Variants in ST3GAL2 observed in about 807,000 individuals in gnomAD.
ST3GAL2 encodes the protein CMP-N-acetylneuraminate-beta-galactosamide-alpha-2,3-sialyltransferase 2.
Under a neutral mutation model 37.5 loss-of-function variants are expected in ST3GAL2, and 16 were observed. The ratio of observed to expected loss-of-function variants is 0.43; its 90% confidence interval spans 0.29 to 0.65. The LOEUF (loss-of-function observed/expected upper bound fraction) is 0.65, where lower values mean the gene tolerates loss of function less well. Among genes scored for constraint, ST3GAL2 ranks in the 30% least tolerant of loss-of-function variants. ST3GAL2 has a pLI of 0.17. For synonymous variants in ST3GAL2, 238 were observed against 202.9 expected (o/e 1.17, Z -1.47); for missense variants, 383 against 487.8 (o/e 0.79, Z 2.02).
chr16:70,388,343 T>C (rs767256250), intron 4 of ST3GAL2, 24 bp downstream of exon 4: 14 of 1,613,678 alleles, frequency 8.7e-6, no homozygotes, highest in Non-Finnish European at 1.1e-5. Flanking sequence ...ACCCATATTC[T>C]ACCCAGGCCA....
chr16:70,420,166 C>A (rs1268843275), intron 1 of ST3GAL2, among the ~76,000 whole-genome samples: 2 of 151,648 alleles, frequency 1.3e-5, no homozygotes, highest in African/African-American at 4.8e-5. Context: ...AGTTTCTATT[C>A]TTGTGGCCCA....
At chr16:70,385,607 G>A (rs1436473765) in intron 4 of ST3GAL2, among the ~76,000 whole-genome samples, 7 of 151,848 alleles carry the variant, frequency 4.6e-5, no homozygotes, top group African/African-American at 1.7e-4. Flanking sequence ...CCTAGGGCTC[G>A]GGGTGGGAGG....
intron 3 of ST3GAL2, among the ~76,000 whole-genome samples, chr16:70,391,291 T>C (rs188616882): frequency 6.6e-6 from 1 of 152,192 alleles, no homozygotes; most frequent in Non-Finnish European, 1.5e-5. Context: ...TCCTAACCAC[T>C]TCCGTTCTAG....
chr16:70,423,450 C>T (rs2151676411), intron 1 of ST3GAL2, among the ~76,000 whole-genome samples: 1 of 152,210 alleles, frequency 6.6e-6, no homozygotes, highest in Admixed American at 6.5e-5. Context: ...GCGGAGGCTG[C>T]AATGAGCCAA....
intron 1 of ST3GAL2, among the ~76,000 whole-genome samples, chr16:70,422,402 C>A (rs943883777): frequency 6.6e-6 from 1 of 152,128 alleles, no homozygotes; most frequent in Non-Finnish European, 1.5e-5. Context: ...ACTGGGGGAC[C>A]AGTTAAAACC....
rs543772616 is a variant in ST3GAL2 at position 70,385,326 on chromosome 16, A to C, written c.714-2091T>G. Among the ~76,000 whole-genome samples the C allele has an allele frequency of 4.5e-4, 68 of 152,078 alleles. 1 individual carries two copies. In the Middle Eastern group the frequency reaches 0.014, roughly 31 times the overall value. Reference sequence around the variant, plus strand: ...ACAAACAAACAAACAAACAAACAAAAAAGAATAGTTAAATCATAGAGACAG... The same window carrying C: ...ACAAACAAACAAACAAACAAACAAACAAGAATAGTTAAATCATAGAGACAG... On this transcript the variant is annotated intron_variant, in intron 4 of 6. Coordinates refer to ENST00000342907, the MANE Select transcript of ST3GAL2 (RefSeq NM_006927.4).
At chr16:70,436,185 T>C (rs2047824078) in intron 1 of ST3GAL2, among the ~76,000 whole-genome samples, 2 of 151,174 alleles carry the variant, frequency 1.3e-5, no homozygotes, top group Non-Finnish European at 2.9e-5. Context: ...CCCAGCACTT[T>C]GGGAGGCCAA....
In ST3GAL2 at chr16:70,380,598, G is replaced by GC. The variant is rs1303023193; in HGVS notation, c.*1090dup. 5.3e-5 allele frequency: 8 copies of GC among 152,324 alleles called. No homozygotes were observed. Among genetic ancestry groups the GC allele is most frequent in the African/African-American group, 1.4e-4 (6 of 41,466 alleles). 9.4% of individuals were successfully genotyped at this position (152,324 alleles called of 1,614,324 possible). A position where few individuals can be genotyped will look rare whatever the true frequency, so the allele number is the denominator to read the frequency against. On this transcript the variant is annotated 3_prime_UTR_variant, in exon 7 of 7. Transcript: ENST00000342907. Reference sequence around the variant, plus strand: ...GGTGGAGGCAGGCGGCTTGCGGCGCGCAAGTCTCCTCTTCCCCGGCCGGCT... The same window carrying GC: ...GGTGGAGGCAGGCGGCTTGCGGCGCGCCAAGTCTCCTCTTCCCCGGCCGGCT...
At chr16:70,409,762 C>T (rs2047623114) in intron 1 of ST3GAL2, among the ~76,000 whole-genome samples, 1 of 151,500 alleles carries the variant, frequency 6.6e-6, no homozygotes, top group African/African-American at 2.4e-5. Flanking sequence ...CTCAGGCCCC[C>T]GAGTAGCTAG....
chr16:70,388,860 C>G (rs988502786), intron 3 of ST3GAL2, among the ~76,000 whole-genome samples: 11 of 148,084 alleles, frequency 7.4e-5, no homozygotes, highest in African/African-American at 2.8e-4. Context: ...GTCAGGAGTT[C>G]GAGACCAGCC....
rs1444097188 is a variant in ST3GAL2 at position 70,379,162 on chromosome 16, G to A, written c.*2527C>T. On this transcript the variant is annotated 3_prime_UTR_variant, in exon 7 of 7. Coordinates refer to ENST00000342907, the MANE Select transcript of ST3GAL2 (RefSeq NM_006927.4). ...TGGCCACCCAAATGTATCGGAGCCT[G>A]ATGGATACCTGGAGACATCATGTTG... The A allele has an allele frequency of 1.3e-5, 2 of 152,204 alleles. No individual in the cohort carries two copies. Among genetic ancestry groups the A allele is most frequent in the Non-Finnish European group, 2.9e-5 (2 of 68,068 alleles). 9.4% of individuals were successfully genotyped at this position (152,204 alleles called of 1,614,324 possible). A position where few individuals can be genotyped will look rare whatever the true frequency, so the allele number is the denominator to read the frequency against.
At position 70,395,161 on chromosome 16, in the gene ST3GAL2, C is replaced by T; in HGVS notation, c.354G>A (p.Gln118=). 1.9e-6 allele frequency: 3 copies of T among 1,603,560 alleles called. No homozygotes were observed. The highest frequency in any genetic ancestry group is 2.6e-6 in the Non-Finnish European group (3 of 1,174,292). Residue 118 remains glutamine (Q), a synonymous_variant, in exon 3 of 7, where the codon CAG becomes CAA. Transcript: ENST00000342907. Reference sequence around the variant, plus strand: ...CCTCATTGGTGTTGTGTGACTTGAACTGGGGCTGCAGCATCTGTGGAAGGG... The same window carrying T: ...CCTCATTGGTGTTGTGTGACTTGAATTGGGGCTGCAGCATCTGTGGAAGGG... ...VQRWWMMLQP[Q]FKSHNTNEVL... is the part of the protein sequence containing the mutation.
At chr16:70,417,446 C>A (rs980492489) in intron 1 of ST3GAL2, among the ~76,000 whole-genome samples, 1 of 152,196 alleles carries the variant, frequency 6.6e-6, no homozygotes, top group Non-Finnish European at 1.5e-5. Flanking sequence ...GAGGACGGTG[C>A]GCGTCCATCC....
At chr16:70,402,283 CAAA>C (rs1042560583) in intron 1 of ST3GAL2, among the ~76,000 whole-genome samples, 4 of 40,710 alleles carry the variant, frequency 9.8e-5, no homozygotes, top group Non-Finnish European at 1.9e-4. Flanking sequence ...AACTATTTCT[CAAA>C]AAAAAAAAAA....
Position 70,378,129 on chromosome 16 carries a change from G to A in ST3GAL2, c.*3560C>T, listed in dbSNP as rs1597550026. ...AAGGGAAGTAGAATGATATTTATAG[G>A]AGTTTTAAAAATCTATTATGGGCTG... On this transcript the variant is annotated 3_prime_UTR_variant, in exon 7 of 7. Coordinates refer to ENST00000342907, the MANE Select transcript of ST3GAL2 (RefSeq NM_006927.4). 6.6e-6 allele frequency: 1 copy of A among 152,104 alleles called. No homozygotes were observed. The highest frequency in any genetic ancestry group is 2.1e-4 in the South Asian group (1 of 4,832). 9.4% of individuals were successfully genotyped at this position (152,104 alleles called of 1,614,324 possible).
intron 2 of ST3GAL2, among the ~76,000 whole-genome samples, chr16:70,396,038 C>A (rs1319353633): frequency 6.7e-6 from 1 of 149,308 alleles, no homozygotes; most frequent in Admixed American, 6.7e-5. Flanking sequence ...ATGGCGCGAT[C>A]TTGGCTCACC....
intron 1 of ST3GAL2, among the ~76,000 whole-genome samples, chr16:70,408,848 G>A (rs2047612373): frequency 7.7e-6 from 1 of 129,074 alleles, no homozygotes; most frequent in African/African-American, 3.0e-5. Flanking sequence ...GATCGAGGCT[G>A]CACCCTAACA....
At chr16:70,426,749 AT>A (rs1210227666) in intron 1 of ST3GAL2, among the ~76,000 whole-genome samples, 1 of 152,082 alleles carries the variant, frequency 6.6e-6, no homozygotes, top group African/African-American at 2.4e-5. Context: ...ACCTCAGGTG[AT>A]CCACCCACCT....
chr16:70,386,209 ACGGAGT>A (rs1288541700), intron 4 of ST3GAL2, among the ~76,000 whole-genome samples: 4 of 141,748 alleles, frequency 2.8e-5, no homozygotes, highest in East Asian at 4.3e-4. Context: ...TCTTCCTGAG[ACGGAGT>A]CTCGCTCTGT....
Sources: allele counts gnomAD v4.1 joint callset (sites outside exome capture counted in the v4.1 genomes callset), GRCh38; gene constraint gnomAD v4.1.1; transcripts MANE v1.5; gene names NCBI Gene and HGNC (gene_info 2026-07-23, HGNC 2026-07-21).